Variants in VPS8 observed in about 807,000 individuals in gnomAD.
VPS8 encodes the protein vacuolar protein sorting-associated protein 8 homolog.
A neutral mutation model predicts 216.4 loss-of-function variants in VPS8; 129 were observed. The ratio of observed to expected loss-of-function variants is 0.60; its 90% CI spans 0.52 to 0.69. VPS8 has a LOEUF of 0.69. VPS8 is among the 30% of genes least tolerant of loss of function. VPS8 has a pLI of 0.00. For missense variants in VPS8, 1,531 were observed against 1,683.5 expected (o/e 0.91, Z 1.59); for synonymous variants, 571 against 565.4 (o/e 1.01, Z -0.14).
At chr3:184,849,028 T>C (rs1723736188) in intron 8 of VPS8, 43 bp from the exon 9 acceptor site, 1 of 1,608,176 alleles carries the variant, frequency 6.2e-7, no homozygotes, top group Non-Finnish European at 8.5e-7. Context: ...GTATTTACTC[T>C]CTTGCATTTC....
At chr3:184,868,296 T>C in intron 18 of VPS8, 1 of 461,930 alleles carries the variant, frequency 2.2e-6, no homozygotes, top group Non-Finnish European at 3.8e-6. Flanking sequence ...AAGATTTCTC[T>C]GTCATGTAAA....
intron 45 of VPS8, among the ~76,000 whole-genome samples, chr3:185,008,565 A>T (rs1160568236): frequency 1.3e-5 from 2 of 152,200 alleles, no homozygotes; most frequent in Admixed American, 6.5e-5. Context: ...AACATGAGGG[A>T]AACGTACGTT....
chr3:184,938,018 A>C (rs1037790490), intron 35 of VPS8, among the ~76,000 whole-genome samples: 7 of 152,246 alleles, frequency 4.6e-5, no homozygotes, highest in African/African-American at 1.7e-4. Flanking sequence ...CAGAAAATGA[A>C]CTTCGGATAG....
At chr3:185,020,827 T>C (rs1169825394) in intron 45 of VPS8, among the ~76,000 whole-genome samples, 1 of 152,132 alleles carries the variant, frequency 6.6e-6, no homozygotes, top group Non-Finnish European at 1.5e-5. Flanking sequence ...AATTCCAACA[T>C]TTTGGGAGGC....
At chr3:184,999,311 G>A (rs143661227) in intron 44 of VPS8, among the ~76,000 whole-genome samples, 1 of 152,024 alleles carries the variant, frequency 6.6e-6, no homozygotes, top group Non-Finnish European at 1.5e-5. Flanking sequence ...TGCCCACCTC[G>A]GCCTCCCAAA....
At chr3:185,002,845 C>A (rs999338249) in intron 45 of VPS8, among the ~76,000 whole-genome samples, 6 of 152,138 alleles carry the variant, frequency 3.9e-5, no homozygotes, top group African/African-American at 1.4e-4. Context: ...TTATGCACTC[C>A]TTGGTTGGTG....
At chr3:185,040,998 T>C (rs1711512367) in intron 46 of VPS8, among the ~76,000 whole-genome samples, 1 of 151,818 alleles carries the variant, frequency 6.6e-6, no homozygotes. Context: ...AGGTCAGGAG[T>C]TCGAGACTAG....
At chr3:184,873,185 G>A (rs1166698076) in intron 21 of VPS8, among the ~76,000 whole-genome samples, 1 of 152,132 alleles carries the variant, frequency 6.6e-6, no homozygotes, top group Non-Finnish European at 1.5e-5. Context: ...TATAGATGAG[G>A]AAACAGGCTT....
intron 21 of VPS8, among the ~76,000 whole-genome samples, chr3:184,872,284 A>T (rs1560472789): frequency 6.6e-6 from 1 of 151,898 alleles, no homozygotes; most frequent in Non-Finnish European, 1.5e-5. Flanking sequence ...ATGAGTGTGT[A>T]TGTGTGTGTG....
intron 46 of VPS8, 84 bp from the exon 47 acceptor site, chr3:185,048,395 G>A (rs563852569): frequency 1.2e-5 from 15 of 1,299,528 alleles, no homozygotes; most frequent in South Asian, 9.6e-5. Context: ...GAAGCACCAT[G>A]TTATGCTTCA....
Position 184,924,984 on chromosome 3 carries a change from A to G in VPS8, c.2574+3A>G, listed in dbSNP as rs1739315233. The G allele has an allele frequency of 1.2e-6, 2 of 1,613,090 alleles. No individual in the cohort carries two copies. Among genetic ancestry groups the G allele is most frequent in the Non-Finnish European group, 1.7e-6 (2 of 1,179,512 alleles). ...TAAACAGAACACTTTTTGATCAGGTAAGTGTCTAGCAGTGAAAACTAAAAG... is the reference window on the plus strand; with the variant it reads ...TAAACAGAACACTTTTTGATCAGGTGAGTGTCTAGCAGTGAAAACTAAAAG... On this transcript the variant is annotated splice_donor_region_variant and intron_variant, in intron 30 of 47. Transcript: ENST00000625842.
Position 184,926,625 on chromosome 3 carries a change from A to T in VPS8, c.2606A>T (p.Asp869Val). The T allele has an allele frequency of 6.2e-7, 1 of 1,604,874 alleles. No individual in the cohort carries two copies. Among genetic ancestry groups the T allele is most frequent in the Non-Finnish European group, 8.5e-7 (1 of 1,175,666 alleles). Reference sequence around the variant, plus strand: ...GAATTCCTTTGTAGTCCTGACGATGACTCCCGACACTCTGAAAGACAGCAG... The same window carrying T: ...GAATTCCTTTGTAGTCCTGACGATGTCTCCCGACACTCTGAAAGACAGCAG... The part of the protein sequence containing the change: ...VLEFLCSPDD[D>V]SRHSERQQVL... The change falls in exon 31 of 48, where the codon GAC becomes GTC. Residue 869 changes from aspartate (D) to valine (V), a missense_variant. Physicochemically the swap from Asp to Val is radical, Grantham distance 152 (BLOSUM62 -3). Transcript: ENST00000625842.
intron 21 of VPS8, among the ~76,000 whole-genome samples, chr3:184,873,936 G>A (rs1210238525): frequency 2.0e-5 from 3 of 152,134 alleles, no homozygotes; most frequent in South Asian, 2.1e-4. Context: ...CCATTCAGGA[G>A]GACAGTTTTC....
At position 184,842,186 on chromosome 3, in the gene VPS8, CAAAAAAA is replaced by C. The variant is rs71162267; in HGVS notation, c.536-1037_536-1031del. Among the ~76,000 whole-genome samples, 105 of 48,978 alleles carry C rather than the reference CAAAAAAA, an allele frequency of 2.1e-3. 3 individuals are homozygous for C. The South Asian group carries it at 0.058, about 27-fold the overall frequency. The allele number at this position is 48,978 out of a possible 152,430, so 32.1% of individuals were successfully genotyped here. On this transcript the variant is annotated intron_variant, in intron 7 of 47. Transcript: ENST00000625842. ...TGGGTGACAGAGCGAGACTCCGTCT[CAAAAAAA>C]AAAAAAAAAAAAAAAAGAATATGTG...
chr3:184,975,018 C>T (rs1749033386), intron 40 of VPS8, among the ~76,000 whole-genome samples: 1 of 151,832 alleles, frequency 6.6e-6, no homozygotes, highest in African/African-American at 2.4e-5. Flanking sequence ...CCTTTTTGTT[C>T]AGGATTGCTT....
At position 184,868,050 on chromosome 3, in the gene VPS8, C is replaced by A. The variant is rs771120759; in HGVS notation, c.1497C>A (p.Ser499Arg). 3.7e-6 allele frequency: 6 copies of A among 1,612,798 alleles called. No homozygotes were observed. The Admixed American group carries it at 6.7e-5, about 18-fold the overall frequency. Reference sequence around the variant, plus strand: ...CTGTTTATGTGATGATGCTGAGGAGCTGGAGAGAGGTGAGTTCCAAGTAAT... The same window carrying A: ...CTGTTTATGTGATGATGCTGAGGAGATGGAGAGAGGTGAGTTCCAAGTAAT... ...TKSVYVMMLR[S>R]WRERVDHLLK... The change falls in exon 18 of 48, where the codon AGC becomes AGA. Residue 499 changes from serine to arginine, a missense_variant. This residue lies in a region of VPS8 where 1,318 missense variants were observed against 1,468.4 expected (regional missense o/e 0.90). Coordinates refer to ENST00000625842, the MANE Select transcript of VPS8 (RefSeq NM_001009921.3).
chr3:184,935,212 A>C (rs1741386081), intron 34 of VPS8, among the ~76,000 whole-genome samples: 1 of 152,164 alleles, frequency 6.6e-6, no homozygotes, highest in South Asian at 2.1e-4. Flanking sequence ...TCAGTTTATT[A>C]AATTATACTT....
Position 184,839,754 on chromosome 3 carries a change from T to C in VPS8, c.535+2T>C. ...CTCATGGATTGGCTTTAATATTTGGTAAATTTTTAAGTGCTTTCCTGCTTT... is the reference window on the plus strand; with the variant it reads ...CTCATGGATTGGCTTTAATATTTGGCAAATTTTTAAGTGCTTTCCTGCTTT... On this transcript the variant is annotated splice_donor_variant, in intron 7 of 47. Transcript: ENST00000625842. LOFTEE classifies it high-confidence loss of function. The C allele has an allele frequency of 6.3e-7, 1 of 1,595,792 alleles. No homozygotes were observed. Among genetic ancestry groups the C allele is most frequent in the Admixed American group, 1.7e-5 (1 of 57,274 alleles).
chr3:184,959,579 G>A (rs1194994295), intron 37 of VPS8, among the ~76,000 whole-genome samples: 3 of 152,094 alleles, frequency 2.0e-5, no homozygotes, highest in South Asian at 2.1e-4. Flanking sequence ...GGAAAGCAAC[G>A]TATAAAAAGT....
Sources: allele counts gnomAD v4.1 joint callset (sites outside exome capture counted in the v4.1 genomes callset), GRCh38; gene constraint gnomAD v4.1.1; regional missense constraint gnomAD v4.1.1; transcripts MANE v1.5; gene names NCBI Gene and HGNC (gene_info 2026-07-23, HGNC 2026-07-21).